Variants in ZNF227 observed in about 807,000 individuals in gnomAD.
The protein encoded by ZNF227 is zinc finger protein 227.
A neutral mutation model predicts 13.2 loss-of-function variants in ZNF227; 12 were observed. The observed-to-expected ratio is 0.91, with a 90% CI of 0.58 to 1.47. ZNF227 has a LOEUF of 1.47. Ranked by LOEUF, ZNF227 falls within the 40% of genes most tolerant of loss-of-function variation. The pLI is 0.00. For synonymous variants in ZNF227, 338 were observed against 326.0 expected (o/e 1.04, Z -0.40); for missense variants, 885 against 967.5 (o/e 0.91, Z 1.13).
intron 3 of ZNF227, among the ~76,000 whole-genome samples, chr19:44,227,798 A>C (rs1973334314): frequency 6.6e-6 from 1 of 152,048 alleles, no homozygotes; most frequent in Non-Finnish European, 1.5e-5. Flanking sequence ...ACCTGGCCAG[A>C]CTCCAGAGCC....
At chr19:44,210,349 C>T (rs1047875029), upstream of ZNF227, among the ~76,000 whole-genome samples, 4 of 152,136 alleles carry the variant, frequency 2.6e-5, no homozygotes, top group Admixed American at 2.6e-4. Context: ...GGCAGAATTT[C>T]CAGTGTTTTA....
chr19:44,225,385 C>T (rs1353776774), intron 3 of ZNF227, among the ~76,000 whole-genome samples: 4 of 152,186 alleles, frequency 2.6e-5, no homozygotes, highest in South Asian at 2.1e-4. Context: ...TCCATTCTCC[C>T]CGTCACTTTC....
At position 44,236,441 on chromosome 19, in the gene ZNF227, T is replaced by TA. The variant is rs772505686; in HGVS notation, c.2012dup (p.Tyr671Ter). The TA allele has an allele frequency of 2.5e-6, 4 of 1,613,312 alleles. No individual in the cohort carries two copies. The highest frequency in any genetic ancestry group is 2.2e-5 in the East Asian group (1 of 44,784). Reference sequence around the variant, plus strand: ...TGATGTGTGTGGAAAGGGCTTTAGATACAGTTCGCAGTTTATATACCATCA... The same window carrying TA: ...TGATGTGTGTGGAAAGGGCTTTAGATAACAGTTCGCAGTTTATATACCATCA... ...KCDVCGKGFR[Y>*]SSQFIYHQRG... Residue 671 changes from tyrosine (Y) to a stop codon, truncating the protein, a stop_gained and frameshift_variant, in exon 6 of 6, where the codon TAC (tyrosine) becomes TAAC (stop). Coordinates refer to ENST00000313040, the MANE Select transcript of ZNF227 (RefSeq NM_182490.3). LOFTEE classifies it low-confidence loss of function (END_TRUNC).
chr19:44,225,163 G>T (rs1301499880), intron 3 of ZNF227, among the ~76,000 whole-genome samples: 1 of 152,112 alleles, frequency 6.6e-6, no homozygotes, highest in Non-Finnish European at 1.5e-5. Flanking sequence ...GCTTCCCTTT[G>T]TGGGTAACCT....
intron 5 of ZNF227, among the ~76,000 whole-genome samples, chr19:44,231,235 C>G (rs1973804861): frequency 6.6e-6 from 1 of 151,862 alleles, no homozygotes; most frequent in African/African-American, 2.4e-5. Flanking sequence ...CTGCCTCAGC[C>G]TCCGAAGTTA....
upstream of ZNF227, among the ~76,000 whole-genome samples, chr19:44,210,234 A>G (rs1971307669): frequency 6.6e-6 from 1 of 152,170 alleles, no homozygotes; most frequent in South Asian, 2.1e-4. Flanking sequence ...TATTTTAGTG[A>G]TCAAAGCAAA....
Position 44,234,992 on chromosome 19 carries a change from A to G in ZNF227, c.562A>G (p.Ile188Val). Residue 188 changes from isoleucine (I) to valine (V), a missense_variant, in exon 6 of 6, where the codon ATT becomes GTT. Physicochemically the swap from Ile to Val is conservative, Grantham distance 29. Coordinates refer to ENST00000313040, the MANE Select transcript of ZNF227 (RefSeq NM_182490.3). ...CGNTYLSESQ[I>V]QSRGKQIDVK... ...GAATACATATCTGAGTGAGTCACAGATTCAGAGTAGAGGTAAGCAAATTGA... is the reference window on the plus strand; with the variant it reads ...GAATACATATCTGAGTGAGTCACAGGTTCAGAGTAGAGGTAAGCAAATTGA... 1 of 1,614,220 alleles carries G rather than the reference A, an allele frequency of 6.2e-7. No individual in the cohort carries two copies. Among genetic ancestry groups the G allele is most frequent in the Non-Finnish European group, 8.5e-7 (1 of 1,180,042 alleles).
At chr19:44,218,943 A>G (rs901003720) in intron 3 of ZNF227, among the ~76,000 whole-genome samples, 1 of 152,194 alleles carries the variant, frequency 6.6e-6, no homozygotes, top group African/African-American at 2.4e-5. Flanking sequence ...GCCGGAGTGC[A>G]ATGGCATGTT....
chr19:44,219,955 G>A (rs1056391491), intron 3 of ZNF227, among the ~76,000 whole-genome samples: 7 of 151,064 alleles, frequency 4.6e-5, no homozygotes, highest in African/African-American at 1.7e-4. Flanking sequence ...AACAGTCCCT[G>A]GAGTGTGATG....
Position 44,236,153 on chromosome 19 carries a change from C to T in ZNF227, c.1723C>T (p.Pro575Ser), listed in dbSNP as rs1568620560. The change falls in exon 6 of 6, where the codon CCA becomes TCA. Residue 575 changes from proline to serine, a missense_variant. Pro to Ser is a moderately conservative substitution (Grantham distance 74). Transcript: ENST00000313040. ...LHQVIHTGEK[P>S]YKCEECGKGF... is the part of the protein sequence containing the mutation. ...CCAAGTAATTCACACTGGAGAAAAACCATATAAATGTGAGGAATGTGGGAA... is the reference window on the plus strand; with the variant it reads ...CCAAGTAATTCACACTGGAGAAAAATCATATAAATGTGAGGAATGTGGGAA... 1 of 1,614,126 alleles carries T rather than the reference C, an allele frequency of 6.2e-7. No homozygotes were observed. The highest frequency in any genetic ancestry group is 8.5e-7 in the Non-Finnish European group (1 of 1,180,034).
chr19:44,235,705 C>A lies in ZNF227; in HGVS notation c.1275C>A (p.Ile425=), dbSNP rs535655451. 135 of 1,613,906 alleles carry A rather than the reference C, an allele frequency of 8.4e-5. 1 individual carries two copies. In the South Asian group the frequency reaches 1.4e-3, roughly 17 times the overall value. The change falls in exon 6 of 6, where the codon ATC becomes ATA. Residue 425 remains isoleucine, a synonymous_variant. Transcript: ENST00000313040. ...TCACTCAGGCTGCACATTTTCACATCCATCAGAGAGTCCACACTGGAGAGA... is the reference window on the plus strand; with the variant it reads ...TCACTCAGGCTGCACATTTTCACATACATCAGAGAGTCCACACTGGAGAGA... ...KGFTQAAHFH[I]HQRVHTGEKP...
intron 5 of ZNF227, among the ~76,000 whole-genome samples, chr19:44,231,864 C>G (rs1261932149): frequency 1.3e-5 from 2 of 152,190 alleles, no homozygotes; most frequent in African/African-American, 4.8e-5. Flanking sequence ...AAGCTATTCA[C>G]AGTTGTTGGA....
Position 44,236,751 on chromosome 19 carries a change from G to A in ZNF227, c.2321G>A (p.Cys774Tyr). Reference sequence around the variant, plus strand: ...CACACTGGAGAAAAACCATACAAATGTGACATATGTGATAAGGACTTCCGT... The same window carrying A: ...CACACTGGAGAAAAACCATACAAATATGACATATGTGATAAGGACTTCCGT... Reference protein sequence around the residue: ...RVHTGEKPYKCDICDKDFRHR... With the variant: ...RVHTGEKPYKYDICDKDFRHR... The change falls in exon 6 of 6, where the codon TGT (cysteine) becomes TAT (tyrosine). Residue 774 changes from cysteine (C) to tyrosine (Y), a missense_variant. Transcript: ENST00000313040. The A allele has an allele frequency of 6.2e-7, 1 of 1,613,940 alleles. No individual in the cohort carries two copies. The highest frequency in any genetic ancestry group is 8.5e-7 in the Non-Finnish European group (1 of 1,179,926).
chr19:44,230,927 A>AAAAAAAAAAATATG (rs1568609860), intron 5 of ZNF227, among the ~76,000 whole-genome samples: 1 of 76,802 alleles, frequency 1.3e-5, no homozygotes, highest in African/African-American at 9.3e-5. Context: ...AAAAAAAAAA[A>AAAAAAAAAAATATG]TATATATATA....
At chr19:44,219,388 A>T (rs532787412) in intron 3 of ZNF227, among the ~76,000 whole-genome samples, 1 of 152,324 alleles carries the variant, frequency 6.6e-6, no homozygotes, top group Admixed American at 6.5e-5. Flanking sequence ...AACCGGTGGC[A>T]TATACTTAAA....
rs150861868 is a variant in ZNF227, at chr19:44,215,259, C to T, written c.-3+2015C>T. 3.9e-3 allele frequency among the ~76,000 whole-genome samples: 592 copies of T among 151,382 alleles called. 3 individuals carry two copies. Among genetic ancestry groups the T allele is most frequent in the African/African-American group, 0.014 (558 of 41,232 alleles). The stretch of plus-strand genomic sequence containing the variant: ...TCGGTTCACTGCAGCCTCTGCCTCC[C>T]GGGTTCAAGCGATTCTCCTGCCTCA... On this transcript the variant is annotated intron_variant, in intron 2 of 5. Transcript: ENST00000313040.
intron 5 of ZNF227, among the ~76,000 whole-genome samples, 157 bp downstream of exon 5, chr19:44,229,973 T>G (rs1484515038): frequency 6.6e-6 from 1 of 152,084 alleles, no homozygotes; most frequent in African/African-American, 2.4e-5. Context: ...TCCCTTGTGC[T>G]CCTATAATCT....
rs141518378 is a variant in ZNF227, at chr19:44,229,731, A to G, written c.188-2A>G. The stretch of plus-strand genomic sequence containing the variant: ...AATACATAAAAATCTACATTTTCAT[A>G]GGGCATCTTCCCTTCCAACCAGATA... On this transcript the variant is annotated splice_acceptor_variant, in intron 4 of 5. Transcript: ENST00000313040. LOFTEE classifies it high-confidence loss of function. 3.7e-5 allele frequency: 58 copies of G among 1,561,296 alleles called. No homozygotes were observed. The highest frequency in any genetic ancestry group is 4.7e-5 in the Non-Finnish European group (54 of 1,149,438).
chr19:44,223,219 A>G lies in ZNF227; in HGVS notation c.61-5227A>G, dbSNP rs574082682. ...ATGTTCATCAAGGATATTGGTCTAA[A>G]ATTCTCTTTTTTGGTTGTGTCTCTG... On this transcript the variant is annotated intron_variant, in intron 3 of 5. Coordinates refer to ENST00000313040, the MANE Select transcript of ZNF227 (RefSeq NM_182490.3). Among the ~76,000 whole-genome samples, 10 of 152,296 alleles carry G rather than the reference A, an allele frequency of 6.6e-5. No homozygotes were observed. In the East Asian group the frequency reaches 1.7e-3, roughly 26 times the overall value.
Sources: gnomAD v4.1 joint callset for allele counts (sites outside exome capture counted in the v4.1 genomes callset) on GRCh38, gnomAD v4.1.1 for gene constraint, MANE v1.5 for transcripts, NCBI Gene and HGNC (gene_info 2026-07-23, HGNC 2026-07-21) for gene names.